GAREM1: variants seen among roughly 807,000 people sequenced by gnomAD.
GAREM1 encodes the protein GRB2-associated and regulator of MAPK protein 1.
A neutral mutation model predicts 71.3 loss-of-function variants in GAREM1; 26 were observed. The observed-to-expected ratio is 0.36, with a 90% CI of 0.27 to 0.51. GAREM1 has a LOEUF of 0.51. Ranked by LOEUF, GAREM1 falls within the 20% of genes least tolerant of loss-of-function variation. The pLI, the probability that GAREM1 is intolerant of heterozygous loss-of-function variation, is 0.95. For synonymous variants in GAREM1, 440 were observed against 433.2 expected (o/e 1.02, Z -0.20); for missense variants, 1,026 against 1,103.1 (o/e 0.93, Z 0.99).
At chr18:32,350,101 A>G (rs1413175904) in intron 2 of GAREM1, among the ~76,000 whole-genome samples, 2 of 152,218 alleles carry the variant, frequency 1.3e-5, no homozygotes, top group African/African-American at 4.8e-5. Context: ...CTTTTTATAT[A>G]CAGTAACTGG....
intron 1 of GAREM1, among the ~76,000 whole-genome samples, chr18:32,424,898 T>C (rs1210961536): frequency 6.6e-6 from 1 of 152,188 alleles, no homozygotes; most frequent in East Asian, 1.9e-4. Flanking sequence ...TTCTGTGTTG[T>C]AATTTGGCAC....
intron 1 of GAREM1, among the ~76,000 whole-genome samples, chr18:32,436,975 A>G (rs971350807): frequency 2.6e-5 from 4 of 152,210 alleles, no homozygotes; most frequent in African/African-American, 9.7e-5. Flanking sequence ...TAAATGAGAA[A>G]TTACACATAT....
intron 2 of GAREM1, among the ~76,000 whole-genome samples, chr18:32,336,062 A>G (rs1272964429): frequency 6.6e-6 from 1 of 152,156 alleles, no homozygotes; most frequent in Non-Finnish European, 1.5e-5. Flanking sequence ...TTCCCCAAGT[A>G]ATGTATTCTT....
intron 1 of GAREM1, among the ~76,000 whole-genome samples, chr18:32,469,370 G>GC (rs1181012446): frequency 1.7e-4 from 26 of 152,110 alleles, no homozygotes; most frequent in Admixed American, 1.7e-3. Flanking sequence ...TTCCACAGCT[G>GC]CCCCACAGCA....
chr18:32,373,625 G>C (rs2048007224), intron 2 of GAREM1, among the ~76,000 whole-genome samples: 1 of 152,180 alleles, frequency 6.6e-6, no homozygotes, highest in Non-Finnish European at 1.5e-5. Context: ...AGAATACAAT[G>C]CCAAAGGCGA....
chr18:32,440,814 C>A (rs1030271088), intron 1 of GAREM1, among the ~76,000 whole-genome samples: 1 of 152,136 alleles, frequency 6.6e-6, no homozygotes, highest in South Asian at 2.1e-4. Context: ...TCTGCAGCTG[C>A]GTGGAAAAGC....
At chr18:32,379,917 T>C (rs913393094) in intron 2 of GAREM1, among the ~76,000 whole-genome samples, 5 of 152,174 alleles carry the variant, frequency 3.3e-5, no homozygotes, top group Non-Finnish European at 5.9e-5. Context: ...TTTGTAATGT[T>C]GTTTTAATTC....
At chr18:32,339,042 T>C (rs2047624670) in intron 2 of GAREM1, among the ~76,000 whole-genome samples, 1 of 152,200 alleles carries the variant, frequency 6.6e-6, no homozygotes, top group South Asian at 2.1e-4. Flanking sequence ...GCTAGGTCTC[T>C]ATCCAGCACT....
chr18:32,302,584 T>C (rs763804172), intron 3 of GAREM1, among the ~76,000 whole-genome samples: 38 of 152,164 alleles, frequency 2.5e-4, no homozygotes, highest in African/African-American at 6.5e-4. Context: ...CTGGAGGGTA[T>C]TATGCTAAGC....
At chr18:32,276,828 G>A (rs553021951) in intron 4 of GAREM1, among the ~76,000 whole-genome samples, 107 of 152,254 alleles carry the variant, frequency 7.0e-4, no homozygotes, top group African/African-American at 2.5e-3. Context: ...AAGTTATGGC[G>A]GCACTGAGAT....
At chr18:32,404,388 GAACAA>G (rs1398904221) in intron 1 of GAREM1, among the ~76,000 whole-genome samples, 1 of 151,618 alleles carries the variant, frequency 6.6e-6, no homozygotes, top group Non-Finnish European at 1.5e-5. Context: ...TGAATCCAGA[GAACAA>G]AACAGACACA....
intron 3 of GAREM1, among the ~76,000 whole-genome samples, chr18:32,297,288 G>A (rs1027646523): frequency 2.0e-5 from 3 of 152,204 alleles, no homozygotes; most frequent in Non-Finnish European, 4.4e-5. Context: ...TGCCTTTACA[G>A]TGTAGTGACT....
chr18:32,411,305 A>G (rs11877705), intron 1 of GAREM1, among the ~76,000 whole-genome samples: 1,977 of 152,340 alleles, frequency 0.013, 56 homozygotes, highest in African/African-American at 0.045. Context: ...TTTTATTTCA[A>G]GAGGATAAAC....
intron 2 of GAREM1, among the ~76,000 whole-genome samples, chr18:32,364,007 TATATATATATATATATATA>T (rs2047895758): frequency 4.2e-5 from 2 of 48,048 alleles, no homozygotes; most frequent in African/African-American, 2.0e-4. Flanking sequence ...TATATATATA[TATATATATATATATATATA>T]TGTTTTTTTT....
At chr18:32,399,739 C>T (rs992280365) in intron 1 of GAREM1, among the ~76,000 whole-genome samples, 4 of 152,200 alleles carry the variant, frequency 2.6e-5, no homozygotes, top group African/African-American at 9.6e-5. Context: ...TGAAAATGGC[C>T]ATACTGCCCA....
chr18:32,314,109 A>G (rs2047352750), intron 2 of GAREM1, among the ~76,000 whole-genome samples: 1 of 151,492 alleles, frequency 6.6e-6, no homozygotes, highest in Admixed American at 6.6e-5. Context: ...TTTTTTAAAT[A>G]AGGCAATTTC....
chr18:32,433,728 A>C (rs2048647036), intron 1 of GAREM1, among the ~76,000 whole-genome samples: 1 of 152,166 alleles, frequency 6.6e-6, no homozygotes, highest in South Asian at 2.1e-4. Flanking sequence ...AAAAAGTATA[A>C]ATCTAATAAA....
chr18:32,457,015 A>G (rs1247614484), intron 1 of GAREM1, among the ~76,000 whole-genome samples: 1 of 152,056 alleles, frequency 6.6e-6, no homozygotes, highest in Non-Finnish European at 1.5e-5. Flanking sequence ...GGATTCTGTG[A>G]GTATGAAGAA....
chr18:32,332,727 G>A (rs1689029), intron 2 of GAREM1, among the ~76,000 whole-genome samples: 13,553 of 152,182 alleles, frequency 0.089, 653 homozygotes, highest in South Asian at 0.12. Context: ...ACACTGTCGG[G>A]ATTAAACGTA....
Sources: allele counts gnomAD v4.1 joint callset (sites outside exome capture counted in the v4.1 genomes callset), GRCh38; gene constraint gnomAD v4.1.1; transcripts MANE v1.5; gene names NCBI Gene and HGNC (gene_info 2026-07-23, HGNC 2026-07-21).